The following ARFGEF3 variants were observed in gnomAD, a reference collection of about 807,000 sequenced individuals.
ARFGEF3 encodes the protein brefeldin A-inhibited guanine nucleotide-exchange protein 3.
In ARFGEF3, 96 loss-of-function variants were observed where a neutral mutation model predicts 221.7. The ratio of observed to expected loss-of-function variants is 0.43; its 90% CI spans 0.37 to 0.51. ARFGEF3 has a LOEUF of 0.51. Among genes scored for constraint, ARFGEF3 ranks in the 20% least tolerant of loss-of-function variants. The pLI is 0.00. For missense variants in ARFGEF3, 2,410 were observed against 2,789.9 expected, an observed-to-expected ratio of 0.86 and a Z score of 3.07; for synonymous variants, 1,145 against 1,126.8, an observed-to-expected ratio of 1.02 and a Z score of -0.32.
chr6:138,181,356 A>G (rs954016058), intron 2 of ARFGEF3, among the ~76,000 whole-genome samples: 2 of 152,206 alleles, frequency 1.3e-5, no homozygotes, highest in Admixed American at 6.5e-5. Flanking sequence ...ATGACTTTAT[A>G]ACTCTGGGCT....
rs1777724977 is a variant in ARFGEF3, at chr6:138,211,388, C to A, written c.351+1347C>A. On this transcript the variant is annotated intron_variant, in intron 4 of 33. Transcript: ENST00000251691. ...CATTCATCTTTAACTCTCTTTGATT[C>A]TGGGATGTACAGTTTTGCCTTATCC... Among the ~76,000 whole-genome samples, 5 of 152,262 alleles carry A rather than the reference C, an allele frequency of 3.3e-5. No individual in the cohort carries two copies. The South Asian group carries it at 1.0e-3, about 32-fold the overall frequency.
intron 2 of ARFGEF3, among the ~76,000 whole-genome samples, chr6:138,204,917 G>A (rs1323440621): frequency 6.6e-6 from 1 of 152,168 alleles, no homozygotes; most frequent in Non-Finnish European, 1.5e-5. Flanking sequence ...ACCATGGCTT[G>A]CATGGGGAAC....
chr6:138,318,607 A>G (rs1408461920), intron 27 of ARFGEF3, among the ~76,000 whole-genome samples: 1 of 152,250 alleles, frequency 6.6e-6, no homozygotes, highest in Non-Finnish European at 1.5e-5. Context: ...TTATGCAATT[A>G]TAAATACAAA....
chr6:138,220,300 A>T (rs554960046), intron 4 of ARFGEF3, among the ~76,000 whole-genome samples: 1 of 152,244 alleles, frequency 6.6e-6, no homozygotes, highest in South Asian at 2.1e-4. Context: ...ACTGCAGCCA[A>T]CCTATTTCTT....
chr6:138,230,960 G>A (rs1032661617), intron 5 of ARFGEF3, among the ~76,000 whole-genome samples: 10 of 152,128 alleles, frequency 6.6e-5, no homozygotes, highest in Non-Finnish European at 1.5e-4. Flanking sequence ...AAGCAGGATT[G>A]GTGTGTAAGA....
chr6:138,240,521 T>G (rs565590899), intron 6 of ARFGEF3, among the ~76,000 whole-genome samples: 1 of 152,266 alleles, frequency 6.6e-6, no homozygotes, highest in East Asian at 1.9e-4. Flanking sequence ...GAGGTGCAGG[T>G]GATACTGTAG....
chr6:138,268,146 C>T (rs536692200), intron 12 of ARFGEF3, among the ~76,000 whole-genome samples: 3 of 152,208 alleles, frequency 2.0e-5, no homozygotes, highest in East Asian at 3.9e-4. Context: ...GTCCTCTTGC[C>T]CCCTTGCAAG....
At position 138,285,943 on chromosome 6, in the gene ARFGEF3, C is replaced by G; in HGVS notation, c.2462-3C>G. 1 of 1,598,456 alleles carries G rather than the reference C, an allele frequency of 6.3e-7. No individual in the cohort carries two copies. Among genetic ancestry groups the G allele is most frequent in the East Asian group, 2.2e-5 (1 of 44,794 alleles). On this transcript the variant is annotated splice_region_variant and splice_polypyrimidine_tract_variant and intron_variant, in intron 14 of 33. Transcript: ENST00000251691. ...GGAAAACTTCTTTCTTTTTCCTTGACAGATATTGACGGCTTAGAGAGCAGT... is the reference window on the plus strand; with the variant it reads ...GGAAAACTTCTTTCTTTTTCCTTGAGAGATATTGACGGCTTAGAGAGCAGT...
At chr6:138,168,574 C>G (rs1776765621) in intron 1 of ARFGEF3, among the ~76,000 whole-genome samples, 1 of 152,172 alleles carries the variant, frequency 6.6e-6, no homozygotes, top group South Asian at 2.1e-4. Flanking sequence ...GCTTCAGGGG[C>G]AAGCCCAAAA....
intron 31 of ARFGEF3, among the ~76,000 whole-genome samples, chr6:138,325,854 G>GTTGT (rs145699374): frequency 4.6e-5 from 7 of 151,992 alleles, no homozygotes; most frequent in East Asian, 1.9e-4. Flanking sequence ...TGTTGTTGTT[G>GTTGT]TTGTTTGTTT....
chr6:138,321,307 G>C (rs1011459619), intron 29 of ARFGEF3, 82 bp downstream of exon 29: 84 of 793,228 alleles, frequency 1.1e-4, no homozygotes, highest in Middle Eastern at 6.3e-4. Flanking sequence ...CTTTGTGGTA[G>C]GAATCGACTT....
chr6:138,224,467 A>T (rs1339285072), intron 4 of ARFGEF3, among the ~76,000 whole-genome samples: 4 of 152,200 alleles, frequency 2.6e-5, no homozygotes, highest in Admixed American at 2.6e-4. Flanking sequence ...CCTGGATCTG[A>T]CATTCAGGTG....
chr6:138,287,118 G>A lies in ARFGEF3; in HGVS notation c.2830G>A (p.Ala944Thr). The stretch of plus-strand genomic sequence containing the variant: ...CTCAGCCCTTGCCCAGATGGCAGCT[G>A]CCTCCTGTGTCCAAGAAGAAAAAGA... ...CASALAQMAAASCVQEEKEER... is the reference protein window; with the variant it reads ...CASALAQMAATSCVQEEKEER... The change falls in exon 17 of 34, where the codon GCC (alanine) becomes ACC (threonine). Residue 944 changes from alanine to threonine, a missense_variant. By Grantham distance (58) the Ala-to-Thr change is moderately conservative. This residue lies in a region of ARFGEF3 where 594 missense variants were observed against 734.3 expected (regional missense o/e 0.81). Coordinates refer to ENST00000251691, the MANE Select transcript of ARFGEF3 (RefSeq NM_020340.5). 6.3e-7 allele frequency: 1 copy of A among 1,577,390 alleles called. No homozygotes were observed. The highest frequency in any genetic ancestry group is 8.6e-7 in the Non-Finnish European group (1 of 1,161,010).
chr6:138,194,002 G>A (rs1160723063), intron 2 of ARFGEF3, among the ~76,000 whole-genome samples: 7 of 152,086 alleles, frequency 4.6e-5, no homozygotes, highest in African/African-American at 2.4e-5. Context: ...AGCCGGACGC[G>A]GTGGCTCACG....
chr6:138,185,117 G>T lies in ARFGEF3; in HGVS notation c.137+14404G>T, dbSNP rs2114456237. 1.3e-5 allele frequency among the ~76,000 whole-genome samples: 2 copies of T among 152,294 alleles called. 1 individual carries two copies. The highest frequency in any genetic ancestry group is 4.1e-4 in the South Asian group (2 of 4,824). ...TTCCAAGGAGGCTGGCCACGGGCTT[G>T]CCCTGCATCAGAATATGAGAGGGGT... On this transcript the variant is annotated intron_variant, in intron 2 of 33. Coordinates refer to ENST00000251691, the MANE Select transcript of ARFGEF3 (RefSeq NM_020340.5).
In ARFGEF3 at chr6:138,177,097, ATAT is replaced by A. The variant is rs1562343285; in HGVS notation, c.137+6386_137+6388del. On this transcript the variant is annotated intron_variant, in intron 2 of 33. Coordinates refer to ENST00000251691, the MANE Select transcript of ARFGEF3 (RefSeq NM_020340.5). ...TATTTATTTATTTATTTATTTATTTATATTTTTTTTGAGACACGGTCATGCTCT... is the reference window on the plus strand; with the variant it reads ...TATTTATTTATTTATTTATTTATTTATTTTTTTGAGACACGGTCATGCTCT... 8.8e-3 allele frequency among the ~76,000 whole-genome samples: 1,099 copies of A among 125,200 alleles called. 8 individuals carry two copies. The highest frequency in any genetic ancestry group is 0.011 in the African/African-American group (323 of 29,432). The allele number at this position is 125,200 out of a possible 152,430, so 82.1% of individuals were successfully genotyped here.
In ARFGEF3 at chr6:138,291,781, T is replaced by G; in HGVS notation, c.3096T>G (p.Gly1032=). 6.8e-7 allele frequency: 1 copy of G among 1,460,834 alleles called. No homozygotes were observed. The highest frequency in any genetic ancestry group is 9.1e-7 in the Non-Finnish European group (1 of 1,104,832). The allele number at this position is 1,460,834 out of a possible 1,614,324, so 90.5% of individuals were successfully genotyped here. The change falls in exon 19 of 34, where the codon GGT becomes GGG. Residue 1032 remains glycine (G), a synonymous_variant. Transcript: ENST00000251691. The surrounding 1 kb of genome is among the most constrained non-coding windows in gnomAD (Gnocchi z 4.5). ...GTLEHNHFSD[G]ASQPPLTISQ... is the part of the protein sequence containing the mutation. ...TGGAGCACAACCACTTCAGCGATGG[T>G]GCCTCGCAGCCCCCTCTGACCATCA... is the stretch of plus-strand genomic sequence containing the variant.
intron 12 of ARFGEF3, 40 bp from the exon 13 acceptor site, chr6:138,278,411 C>T (rs1320211343): frequency 1.3e-6 from 2 of 1,596,816 alleles, no homozygotes; most frequent in Non-Finnish European, 1.7e-6. Context: ...GCCAAGCACA[C>T]TGTTCACACC....
chr6:138,283,850 T>C (rs2114624425), intron 14 of ARFGEF3, among the ~76,000 whole-genome samples: 1 of 152,354 alleles, frequency 6.6e-6, no homozygotes, highest in South Asian at 2.1e-4. Context: ...CCAGTCTGTT[T>C]CCACCTTAGC....
Sources: gnomAD v4.1 joint callset for allele counts (sites outside exome capture counted in the v4.1 genomes callset) on GRCh38, gnomAD v4.1.1 for gene constraint, gnomAD v4.1.1 regional missense constraint, Gnocchi (gnomAD v3.1) non-coding constraint, MANE v1.5 for transcripts, NCBI Gene and HGNC (gene_info 2026-07-23, HGNC 2026-07-21) for gene names.